PTPN13: variants seen among roughly 807,000 people sequenced by gnomAD.
PTPN13 encodes tyrosine-protein phosphatase non-receptor type 13.
PTPN13 carries 191 observed loss-of-function variants against 284.0 expected under a neutral mutation model. The observed-to-expected ratio is 0.67, with a 90% CI of 0.60 to 0.76. PTPN13 has a LOEUF of 0.76. PTPN13 is among the 30% of genes least tolerant of loss of function. The probability of loss-of-function intolerance (pLI) is 0.00; values close to 1 mark genes in which losing one functional copy is unlikely to be tolerated. For missense variants in PTPN13, 2,797 were observed against 2,939.9 expected, an observed-to-expected ratio of 0.95 and a Z score of 1.12; for synonymous variants, 986 against 1,022.3, an observed-to-expected ratio of 0.96 and a Z score of 0.68.
Position 86,771,238 on chromosome 4 carries a change from T to C in PTPN13, c.4871T>C (p.Val1624Ala). 1 of 1,611,212 alleles carries C rather than the reference T, an allele frequency of 6.2e-7. No homozygotes were observed. The highest frequency in any genetic ancestry group is 8.5e-7 in the Non-Finnish European group (1 of 1,178,730). Residue 1624 changes from valine to alanine, a missense_variant, in exon 31 of 48, where the codon GTG (valine) becomes GCG (alanine). Physicochemically the swap from Val to Ala is moderately conservative, Grantham distance 64 (BLOSUM62 0). Coordinates refer to ENST00000411767, the MANE Select transcript of PTPN13 (RefSeq NM_080683.3). ...AAAGACTCTTCTCAGCCATCATGTG[T>C]GGAGCAAAGCACCAGCTCAGATGAA... ...SSKDSSQPSCVEQSTSSDENE... is the reference protein window; with the variant it reads ...SSKDSSQPSCAEQSTSSDENE...
chr4:86,611,931 G>A (rs571131835), intron 1 of PTPN13, among the ~76,000 whole-genome samples: 14 of 152,156 alleles, frequency 9.2e-5, no homozygotes, highest in Admixed American at 2.0e-4. Context: ...CAAAGAAACC[G>A]TACTTGTGCT....
Position 86,732,558 on chromosome 4 carries a change from T to C in PTPN13, c.1684-34T>C, listed in dbSNP as rs116776754. On this transcript the variant is annotated intron_variant, in intron 11 of 47. Coordinates refer to ENST00000411767, the MANE Select transcript of PTPN13 (RefSeq NM_080683.3). ...CCAGTTAAAATTCTTATAATGCTTATTTTAATAAATGCCGTTTATTTTTTC... is the reference window on the plus strand; with the variant it reads ...CCAGTTAAAATTCTTATAATGCTTACTTTAATAAATGCCGTTTATTTTTTC... 2.3e-3 allele frequency: 3,720 copies of C among 1,599,996 alleles called. 89 individuals carry two copies. In the African/African-American group the frequency reaches 0.045, roughly 19 times the overall value.
chr4:86,781,005 G>A (rs1741236921), intron 36 of PTPN13, among the ~76,000 whole-genome samples: 3 of 152,114 alleles, frequency 2.0e-5, no homozygotes, highest in South Asian at 4.1e-4. Flanking sequence ...CAACTATTAT[G>A]TTTCATACTC....
chr4:86,664,362 A>C (rs1432265857), intron 2 of PTPN13, among the ~76,000 whole-genome samples: 1 of 152,194 alleles, frequency 6.6e-6, no homozygotes, highest in African/African-American at 2.4e-5. Context: ...TGAAAGTTGA[A>C]AGAAAACTTT....
At chr4:86,651,403 CTCCCTCCCTCCCTCCG>C in intron 2 of PTPN13, among the ~76,000 whole-genome samples, 1 of 151,874 alleles carries the variant, frequency 6.6e-6, no homozygotes, top group South Asian at 2.1e-4. Flanking sequence ...CCATCCCTTC[CTCCCTCCCTCCCTCCG>C]TCCTTCCCTC....
In PTPN13 at chr4:86,645,571, TA is replaced by T. The variant is rs958481443; in HGVS notation, c.115+10207del. On this transcript the variant is annotated intron_variant, in intron 2 of 47. Transcript: ENST00000411767. ...AACAACTTTTACCATTTAGAAATGA[TA>T]AAAAAAGTAAAATATGGAATACAAA... Among the ~76,000 whole-genome samples the T allele has an allele frequency of 6.6e-5, 10 of 151,788 alleles. 1 individual carries two copies. The highest frequency in any genetic ancestry group is 4.6e-4 in the Admixed American group (7 of 15,238).
intron 2 of PTPN13, among the ~76,000 whole-genome samples, chr4:86,649,465 C>T (rs1724834686): frequency 6.6e-6 from 1 of 152,158 alleles, no homozygotes; most frequent in South Asian, 2.1e-4. Context: ...GTTTTCCCAG[C>T]ATCATTTATG....
rs952609349 is a variant in PTPN13, at chr4:86,807,862, T to C, written c.7048T>C (p.Phe2350Leu). Reference sequence around the variant, plus strand: ...TGTGAGAATGCAGCAGCTGAAGGGCTTTGTGGTGAGGGCAATGACCCTTGA... The same window carrying C: ...TGTGAGAATGCAGCAGCTGAAGGGCCTTGTGGTGAGGGCAATGACCCTTGA... Reference protein sequence around the residue: ...ALVRMQQLKGFVVRAMTLEDI... With the variant: ...ALVRMQQLKGLVVRAMTLEDI... Residue 2350 changes from phenylalanine (F) to leucine (L), a missense_variant, in exon 45 of 48, where the codon TTT becomes CTT. Phe to Leu is a conservative substitution (Grantham distance 22, BLOSUM62 0). Transcript: ENST00000411767. 7.4e-6 allele frequency: 12 copies of C among 1,613,700 alleles called. No homozygotes were observed. The African/African-American group carries it at 1.6e-4, about 22-fold the overall frequency.
intron 7 of PTPN13, among the ~76,000 whole-genome samples, chr4:86,704,961 A>G (rs769529460): frequency 7.9e-5 from 12 of 152,224 alleles, no homozygotes; most frequent in Non-Finnish European, 1.6e-4. Context: ...TTAGAATTCA[A>G]AAGCACTAAT....
chr4:86,764,805 T>G (rs1739104936), intron 25 of PTPN13, 81 bp downstream of exon 25: 3 of 1,461,656 alleles, frequency 2.1e-6, no homozygotes, highest in African/African-American at 1.5e-5. Context: ...TTAATTGAAT[T>G]ATTTTGCATC....
chr4:86,696,139 T>C (rs1341412563), intron 6 of PTPN13, among the ~76,000 whole-genome samples: 1 of 152,012 alleles, frequency 6.6e-6, no homozygotes, highest in African/African-American at 2.4e-5. Flanking sequence ...CTTGATAACA[T>C]ATTTTTAATA....
At chr4:86,636,676 CA>C (rs1409387174) in intron 2 of PTPN13, among the ~76,000 whole-genome samples, 1 of 151,868 alleles carries the variant, frequency 6.6e-6, no homozygotes, top group African/African-American at 2.4e-5. Flanking sequence ...ACATTCAAAG[CA>C]GTGTGTAGAG....
At chr4:86,630,999 T>C (rs188108147) in intron 1 of PTPN13, among the ~76,000 whole-genome samples, 145 of 152,294 alleles carry the variant, frequency 9.5e-4, no homozygotes, top group African/African-American at 3.4e-3. Context: ...GGTTATGTGA[T>C]AGAATTAATT....
intron 1 of PTPN13, among the ~76,000 whole-genome samples, chr4:86,598,297 A>T (rs1040596211): frequency 6.6e-6 from 1 of 151,854 alleles, no homozygotes; most frequent in Non-Finnish European, 1.5e-5. Context: ...GGCGTGTGCT[A>T]CCACACCTGG....
chr4:86,652,309 A>G (rs1294005678), intron 2 of PTPN13, among the ~76,000 whole-genome samples: 1 of 152,200 alleles, frequency 6.6e-6, no homozygotes, highest in East Asian at 1.9e-4. Flanking sequence ...TACAACAATT[A>G]CAGTGTTAGA....
At chr4:86,729,571 C>G (rs569690906) in intron 10 of PTPN13, among the ~76,000 whole-genome samples, 1 of 149,560 alleles carries the variant, frequency 6.7e-6, no homozygotes, top group South Asian at 2.1e-4. Context: ...CTTGTCTTCT[C>G]GCTTTATTTC....
At chr4:86,607,186 C>T (rs1764844303) in intron 1 of PTPN13, among the ~76,000 whole-genome samples, 1 of 151,536 alleles carries the variant, frequency 6.6e-6, no homozygotes, top group Admixed American at 6.6e-5. Context: ...CCCTTACTAC[C>T]CTAATGAGGG....
chr4:86,671,816 A>G (rs1019451614), intron 2 of PTPN13, among the ~76,000 whole-genome samples: 1 of 152,228 alleles, frequency 6.6e-6, no homozygotes, highest in Non-Finnish European at 1.5e-5. Flanking sequence ...AGGAATTTTC[A>G]AAGGAATTGA....
chr4:86,690,050 T>C (rs1389626525), intron 5 of PTPN13: 2 of 236,764 alleles, frequency 8.4e-6, no homozygotes, highest in Admixed American at 5.5e-5. Context: ...ATTCAAATTC[T>C]GCACAGTTTT....
Sources: gnomAD v4.1 joint callset for allele counts (sites outside exome capture counted in the v4.1 genomes callset) on GRCh38, gnomAD v4.1.1 for gene constraint, MANE v1.5 for transcripts, NCBI Gene and HGNC (gene_info 2026-07-23, HGNC 2026-07-21) for gene names.